PCF11: variants seen among roughly 807,000 people sequenced by gnomAD.
The protein encoded by PCF11 is pre-mRNA cleavage complex 2 protein Pcf11.
In PCF11, 19 loss-of-function variants were observed where a neutral mutation model predicts 166.1. The observed-to-expected ratio is 0.11, with a 90% CI of 0.08 to 0.17. The LOEUF is 0.17. Ranked by LOEUF, PCF11 falls within the 10% of genes least tolerant of loss-of-function variation. PCF11 has a pLI of 1.00. For synonymous variants in PCF11, 663 were observed against 644.1 expected (o/e 1.03, Z -0.44); for missense variants, 1,565 against 1,855.5 (o/e 0.84, Z 2.88).
At chr11:83,161,208 T>C in intron 1 of PCF11, 119 bp from the exon 2 acceptor site, 1 of 729,362 alleles carries the variant, frequency 1.4e-6, no homozygotes, top group Non-Finnish European at 2.2e-6. Context: ...AAAGATTACT[T>C]CAAAAATATT....
chr11:83,163,769 A>G, exon 3 of PCF11: 1 of 1,594,472 alleles, frequency 6.3e-7, no homozygotes, highest in Non-Finnish European at 8.6e-7. Flanking sequence ...CCTGGATGTC[A>G]GAGTCAATTC....
intron 2 of PCF11, 35 bp downstream of exon 2, chr11:83,161,487 T>C: frequency 6.8e-7 from 1 of 1,468,232 alleles, no homozygotes; most frequent in Non-Finnish European, 9.1e-7. Flanking sequence ...GCGTTTTTTT[T>C]TAAAAAATGT....
chr11:83,160,321 G>GTTTTTT (rs35201107), intron 1 of PCF11, among the ~76,000 whole-genome samples: 81 of 91,272 alleles, frequency 8.9e-4, no homozygotes, highest in African/African-American at 1.9e-3. Context: ...GATAACCTAA[G>GTTTTTT]TTTTTTTTTT....
chr11:83,158,559 G>A (rs1860098325), intron 1 of PCF11: 1 of 152,170 alleles, frequency 6.6e-6, no homozygotes. Flanking sequence ...GGATTCATAT[G>A]GGAGCGATAT....
chr11:83,179,403 C>T (rs1454907624), intron 11 of PCF11, among the ~76,000 whole-genome samples: 1 of 151,970 alleles, frequency 6.6e-6, no homozygotes, highest in Non-Finnish European at 1.5e-5. Context: ...GCACCCATCA[C>T]CACGCCCAGC....
exon 11 of PCF11, chr11:83,177,745 T>G: frequency 6.5e-7 from 1 of 1,543,814 alleles, no homozygotes; most frequent in Non-Finnish European, 8.8e-7. Flanking sequence ...AGCCTCCCCC[T>G]GAAGAGGAGG....
In PCF11 at chr11:83,168,730, G is replaced by A. The variant is rs745999758; in HGVS notation, c.2395G>A (p.Gly799Arg). 3.1e-6 allele frequency: 5 copies of A among 1,613,570 alleles called. No individual in the cohort carries two copies. Among genetic ancestry groups the A allele is most frequent in the Non-Finnish European group, 4.2e-6 (5 of 1,179,646 alleles). ...GTTTGATGGGTCACCAGGACAAATG[G>A]GGGGAGGAGGCCCTTTGAGATTTGA... Residue 799 changes from glycine (G) to arginine (R), a missense_variant, in exon 8 of 16, where the codon GGG becomes AGG. Gly to Arg is a moderately radical substitution (Grantham distance 125). Coordinates refer to ENST00000298281, the Ensembl canonical transcript of PCF11.
intron 1 of PCF11, chr11:83,158,368 T>TA (rs1219477983): frequency 6.6e-6 from 1 of 152,240 alleles, no homozygotes; most frequent in Non-Finnish European, 1.5e-5. Flanking sequence ...ATCCAACCTG[T>TA]AGGTGGAGAA....
chr11:83,172,318 A>G (rs1050357885), intron 9 of PCF11, among the ~76,000 whole-genome samples: 3 of 152,232 alleles, frequency 2.0e-5, no homozygotes, highest in African/African-American at 7.2e-5. Flanking sequence ...GCACTCAAAT[A>G]GCAAAAAGCG....
chr11:83,170,338 C>T (rs1023793859), intron 8 of PCF11, among the ~76,000 whole-genome samples: 5 of 152,118 alleles, frequency 3.3e-5, no homozygotes, highest in African/African-American at 9.7e-5. Context: ...CTGTTGAGCC[C>T]TGACGTGCTT....
In PCF11 at chr11:83,162,796, T is replaced by C. The variant is rs185468497; in HGVS notation, c.319-883T>C. On this transcript the variant is annotated intron_variant, in intron 2 of 15. Transcript: ENST00000298281. ...TCTTTTTCTTTTTTTTGTTTTGAGA[T>C]GGAGTTTTGCTCTTGTTGCCCAAGC... Among the ~76,000 whole-genome samples, 7 of 152,348 alleles carry C rather than the reference T, an allele frequency of 4.6e-5. No individual in the cohort carries two copies. The East Asian group carries it at 1.3e-3, about 29-fold the overall frequency.
chr11:83,181,231 A>C (rs1861073151), intron 12 of PCF11, 40 bp downstream of exon 12: 1 of 865,696 alleles, frequency 1.2e-6, no homozygotes, highest in East Asian at 2.8e-5. Flanking sequence ...TTTTAGGCTT[A>C]AATTATATCA....
chr11:83,168,987 A>G (rs547501536), exon 8 of PCF11: 1 of 1,613,632 alleles, frequency 6.2e-7, no homozygotes, highest in Admixed American at 1.7e-5. Flanking sequence ...ATCGTGGTCA[A>G]CCTGTGGGTG....
In PCF11 at chr11:83,182,040, G is replaced by A. The variant is rs562210133; in HGVS notation, c.4323+31G>A. ...AGAAGAACGTTTAAGTTTTCTCACA[G>A]TGGGAGTGTCCCTCACTTCCTTTAT... On this transcript the variant is annotated intron_variant, in intron 13 of 15. Coordinates refer to ENST00000298281, the Ensembl canonical transcript of PCF11. The A allele has an allele frequency of 5.1e-6, 8 of 1,565,804 alleles. No individual in the cohort carries two copies. The African/African-American group carries it at 6.9e-5, about 13-fold the overall frequency.
chr11:83,174,485 T>C (rs552711395), intron 9 of PCF11, among the ~76,000 whole-genome samples: 1 of 151,778 alleles, frequency 6.6e-6, no homozygotes, highest in African/African-American at 2.4e-5. Context: ...TCCCAAAGTG[T>C]TGGGTTTATA....
At chr11:83,178,528 G>A (rs762220048) in intron 11 of PCF11, among the ~76,000 whole-genome samples, 5 of 151,780 alleles carry the variant, frequency 3.3e-5, no homozygotes, top group Non-Finnish European at 7.4e-5. Context: ...GGGCGCGGTG[G>A]CTCACTCCTG....
Position 83,181,833 on chromosome 11 carries a change from TA to T in PCF11, c.4168-16del. On this transcript the variant is annotated intron_variant, in intron 12 of 15. Coordinates refer to ENST00000298281, the Ensembl canonical transcript of PCF11. Reference sequence around the variant, plus strand: ...TTTAGAAATAAATGGAATAATCTTTTAAAAATCAACTCCTTTTAAGGACTGG... The same window carrying T: ...TTTAGAAATAAATGGAATAATCTTTTAAAATCAACTCCTTTTAAGGACTGG... 1 of 1,549,154 alleles carries T rather than the reference TA, an allele frequency of 6.5e-7. No homozygotes were observed. Among genetic ancestry groups the T allele is most frequent in the Non-Finnish European group, 8.7e-7 (1 of 1,150,744 alleles).
rs1861313479 is a variant in PCF11 at position 83,186,985 on chromosome 11, T to TGGGAAGTCAAAAAGAA, written c.*2091_*2092insGGGAAGTCAAAAAGAA. The TGGGAAGTCAAAAAGAA allele has an allele frequency of 2.0e-5, 3 of 152,442 alleles. No homozygotes were observed. The South Asian group carries it at 6.2e-4, about 32-fold the overall frequency. The allele number at this position is 152,442 out of a possible 1,614,324, so 9.4% of individuals were successfully genotyped here. A position where few individuals can be genotyped will look rare whatever the true frequency, so the allele number is the denominator to read the frequency against. ...TCAAGGATGGGGGAACAAAGACTGG[T>TGGGAAGTCAAAAAGAA]AGGTGGGAAGGTCAAAAAGAAAATG... On this transcript the variant is annotated 3_prime_UTR_variant, in exon 16 of 16. Transcript: ENST00000298281.
intron 11 of PCF11, among the ~76,000 whole-genome samples, chr11:83,178,529 C>G (rs1351582066): frequency 1.3e-5 from 2 of 152,056 alleles, no homozygotes; most frequent in African/African-American, 4.8e-5. Flanking sequence ...GGCGCGGTGG[C>G]TCACTCCTGT....
Sources: gnomAD v4.1 joint callset for allele counts (sites outside exome capture counted in the v4.1 genomes callset) on GRCh38, gnomAD v4.1.1 for gene constraint, MANE v1.5 for transcripts, NCBI Gene and HGNC (gene_info 2026-07-23, HGNC 2026-07-21) for gene names.